The following CFAP52 variants were observed in gnomAD, a reference collection of about 807,000 sequenced individuals.
CFAP52 encodes cilia- and flagella-associated protein 52.
CFAP52 carries 57 observed loss-of-function variants against 70.5 expected under a neutral mutation model. The observed-to-expected ratio is 0.81, with a 90% CI of 0.65 to 1.01. The LOEUF (loss-of-function observed/expected upper bound fraction) is 1.01, where lower values mean the gene tolerates loss of function less well. Ranked by LOEUF, CFAP52 falls within the 50% of genes least tolerant of loss-of-function variation. The pLI, the probability that CFAP52 is intolerant of heterozygous loss-of-function variation, is 0.00. For synonymous variants in CFAP52, 267 were observed against 292.5 expected (o/e 0.91, Z 0.89); for missense variants, 785 against 788.5 (o/e 1.00, Z 0.05).
Position 9,622,094 on chromosome 17 carries a change from G to T in CFAP52, c.1026-6578G>T, listed in dbSNP as rs1597788160. 4.6e-5 allele frequency among the ~76,000 whole-genome samples: 7 copies of T among 152,238 alleles called. No homozygotes were observed. The South Asian group carries it at 8.3e-4, about 18-fold the overall frequency. ...ATCTGCCAAAAAGGCAAGAGTCTCAGCATATTTTTATTTTCACCTTTCCTC... is the reference window on the plus strand; with the variant it reads ...ATCTGCCAAAAAGGCAAGAGTCTCATCATATTTTTATTTTCACCTTTCCTC... On this transcript the variant is annotated intron_variant, in intron 8 of 13. Transcript: ENST00000352665.
intron 6 of CFAP52, among the ~76,000 whole-genome samples, chr17:9,606,225 T>C (rs757886482): frequency 1.8e-4 from 28 of 151,792 alleles, no homozygotes; most frequent in Non-Finnish European, 1.6e-4. Context: ...CTGTGAAAAG[T>C]TTTTAAAAAT....
rs56818169 is a variant in CFAP52 at position 9,631,082 on chromosome 17, G to GAAAGAAAGAAAGAAAGAA, written c.1175-1805_1175-1804insAAGAAAGAAAGAAAGAAA. ...AGAAAGAAAGAAAGAAAGAAAGAAAGAGAAAGAAAGAAAGAGAAAGAAAGA... is the reference window on the plus strand; with the variant it reads ...AGAAAGAAAGAAAGAAAGAAAGAAAGAAAGAAAGAAAGAAAGAAAGAAAGAAAGAAAGAGAAAGAAAGA... On this transcript the variant is annotated intron_variant, in intron 9 of 13. Coordinates refer to ENST00000352665, the MANE Select transcript of CFAP52 (RefSeq NM_145054.5). Among the ~76,000 whole-genome samples the GAAAGAAAGAAAGAAAGAA allele has an allele frequency of 8.0e-3, 391 of 48,802 alleles. 14 individuals carry two copies. Among genetic ancestry groups the GAAAGAAAGAAAGAAAGAA allele is most frequent in the Middle Eastern group, 0.012 (1 of 86 alleles). The allele number at this position is 48,802 out of a possible 152,430, so 32.0% of individuals were successfully genotyped here.
intron 8 of CFAP52, among the ~76,000 whole-genome samples, chr17:9,623,025 T>C (rs1173104907): frequency 2.6e-5 from 4 of 152,198 alleles, no homozygotes; most frequent in Non-Finnish European, 5.9e-5. Flanking sequence ...TCCACTTGTA[T>C]TATCATTTAC....
At chr17:9,582,013 T>C (rs1908250574) in intron 1 of CFAP52, among the ~76,000 whole-genome samples, 1 of 152,210 alleles carries the variant, frequency 6.6e-6, no homozygotes, top group Non-Finnish European at 1.5e-5. Flanking sequence ...CAATATGTAT[T>C]CCTTCCATAT....
In CFAP52 at chr17:9,584,934, A is replaced by C. The variant is rs1015384936; in HGVS notation, c.71-839A>C. Among the ~76,000 whole-genome samples, 3 of 152,278 alleles carry C rather than the reference A, an allele frequency of 2.0e-5. No individual in the cohort carries two copies. In the South Asian group the frequency reaches 6.2e-4, roughly 32 times the overall value. On this transcript the variant is annotated intron_variant, in intron 1 of 13. Coordinates refer to ENST00000352665, the MANE Select transcript of CFAP52 (RefSeq NM_145054.5). ...ACCGTGCCTGGCCACACAATGTAAT[A>C]TTACTTAGCCTTTAAAAAGAAGGAA...
chr17:9,642,123 G>A (rs1911092819), intron 13 of CFAP52, among the ~76,000 whole-genome samples: 1 of 152,052 alleles, frequency 6.6e-6, no homozygotes, highest in South Asian at 2.1e-4. Context: ...ATAGAAATGG[G>A]GCCTTTAAAT....
intron 1 of CFAP52, among the ~76,000 whole-genome samples, chr17:9,580,561 T>TA (rs1329492407): frequency 3.9e-5 from 6 of 151,904 alleles, no homozygotes; most frequent in Non-Finnish European, 7.4e-5. Context: ...TGGCGATGCA[T>TA]GCCTGTAGTC....
At chr17:9,611,409 C>A (rs56238892) in intron 7 of CFAP52, among the ~76,000 whole-genome samples, 11,682 of 151,974 alleles carry the variant, frequency 0.077, 921 homozygotes, top group African/African-American at 0.2. Flanking sequence ...GGATGGAGGG[C>A]AGGGATGAGA....
chr17:9,592,306 T>C (rs989953474), intron 3 of CFAP52, among the ~76,000 whole-genome samples: 4 of 151,528 alleles, frequency 2.6e-5, no homozygotes, highest in African/African-American at 9.7e-5. Flanking sequence ...CTACTAAAAA[T>C]GCAAAAAAAA....
In CFAP52 at chr17:9,631,069, A is replaced by G. The variant is rs1396464962; in HGVS notation, c.1175-1819A>G. ...GAGAGAGAGAGAAAGAAAGAAAGAA[A>G]GAAAGAAAGAAAGAGAAAGAAAGAA... On this transcript the variant is annotated intron_variant, in intron 9 of 13. Coordinates refer to ENST00000352665, the MANE Select transcript of CFAP52 (RefSeq NM_145054.5). Among the ~76,000 whole-genome samples the G allele has an allele frequency of 1.1e-3, 137 of 129,200 alleles. 9 individuals carry two copies. The highest frequency in any genetic ancestry group is 4.1e-3 in the African/African-American group (131 of 32,128). 84.8% of individuals were successfully genotyped at this position (129,200 alleles called of 152,430 possible).
At chr17:9,644,477 G>A (rs1911228678), downstream of CFAP52, among the ~76,000 whole-genome samples, 1 of 151,952 alleles carries the variant, frequency 6.6e-6, no homozygotes, top group Non-Finnish European at 1.5e-5. Context: ...TTAGAATACT[G>A]CATCTCACAT....
chr17:9,596,072 T>C (rs1250639296), intron 4 of CFAP52, among the ~76,000 whole-genome samples: 1 of 129,806 alleles, frequency 7.7e-6, no homozygotes, highest in Non-Finnish European at 1.6e-5. Context: ...TATATATATA[T>C]ATATATATAT....
intron 3 of CFAP52, among the ~76,000 whole-genome samples, chr17:9,592,050 A>G (rs1908785856): frequency 6.6e-6 from 1 of 152,226 alleles, no homozygotes; most frequent in African/African-American, 2.4e-5. Flanking sequence ...ATTGAAATAC[A>G]TTTCACATAT....
At chr17:9,595,380 C>T (rs978938021) in intron 4 of CFAP52, among the ~76,000 whole-genome samples, 3 of 152,030 alleles carry the variant, frequency 2.0e-5, no homozygotes, top group Non-Finnish European at 4.4e-5. Context: ...CTTACATTTG[C>T]TCCATGGCTA....
At position 9,586,851 on chromosome 17, in the gene CFAP52, A is replaced by G. The variant is rs1908514753; in HGVS notation, c.407+17A>G. On this transcript the variant is annotated intron_variant, in intron 3 of 13. Coordinates refer to ENST00000352665, the MANE Select transcript of CFAP52 (RefSeq NM_145054.5). ...TGACGGAAGGTAATGAACTAAACAT[A>G]GTTACTTATTTTCTTTATTTTTTTT... The G allele has an allele frequency of 6.4e-7, 1 of 1,571,390 alleles. No individual in the cohort carries two copies. The highest frequency in any genetic ancestry group is 1.2e-5 in the South Asian group (1 of 83,366).
chr17:9,584,075 C>A, intron 1 of CFAP52: 1 of 477,454 alleles, frequency 2.1e-6, no homozygotes, highest in Non-Finnish European at 2.9e-6. Context: ...GGCAGTTAGT[C>A]AATATGTTGG....
At chr17:9,586,618 T>C (rs1908496332) in intron 2 of CFAP52, 80 bp from the exon 3 acceptor site, 4 of 1,468,862 alleles carry the variant, frequency 2.7e-6, no homozygotes, top group Non-Finnish European at 3.6e-6. Context: ...GTACTAATTG[T>C]TTTTCACCAA....
chr17:9,594,325 T>A lies in CFAP52; in HGVS notation c.536+4T>A. 6.2e-7 allele frequency: 1 copy of A among 1,610,384 alleles called. No individual in the cohort carries two copies. On this transcript the variant is annotated splice_donor_region_variant and intron_variant, in intron 4 of 13. Coordinates refer to ENST00000352665, the MANE Select transcript of CFAP52 (RefSeq NM_145054.5). Reference sequence around the variant, plus strand: ...AGATGTTTATGACTGCTGGAAAGTATGTGTCTGCGTTCGGAGTTTTCAGAA... The same window carrying A: ...AGATGTTTATGACTGCTGGAAAGTAAGTGTCTGCGTTCGGAGTTTTCAGAA...
At position 9,585,539 on chromosome 17, in the gene CFAP52, C is replaced by T. The variant is rs935747882; in HGVS notation, c.71-234C>T. On this transcript the variant is annotated intron_variant, in intron 1 of 13. Transcript: ENST00000352665. ...AAAAAAAATTAGCCAGGTGTGGTGG[C>T]GGGTGCCTGTAATCCCAGCTACTCG... 1.1e-4 allele frequency among the ~76,000 whole-genome samples: 16 copies of T among 152,100 alleles called. No individual in the cohort carries two copies. The South Asian group carries it at 1.2e-3, about 12-fold the overall frequency.
Sources: allele counts gnomAD v4.1 joint callset (sites outside exome capture counted in the v4.1 genomes callset), GRCh38; gene constraint gnomAD v4.1.1; transcripts MANE v1.5; gene names NCBI Gene and HGNC (gene_info 2026-07-23, HGNC 2026-07-21).